Variants in DRC1 observed in about 807,000 individuals in gnomAD.
DRC1 encodes the protein dynein regulatory complex protein 1.
DRC1 carries 74 observed loss-of-function variants against 98.7 expected under a neutral mutation model. That is an observed-to-expected ratio of 0.75 (90% CI 0.62 to 0.91). The LOEUF (loss-of-function observed/expected upper bound fraction) is 0.91. DRC1 is among the 40% of genes least tolerant of loss of function. The pLI, the probability that DRC1 is intolerant of heterozygous loss-of-function variation, is 0.00. For missense variants in DRC1, 875 were observed against 886.0 expected, an observed-to-expected ratio of 0.99 and a Z score of 0.16; for synonymous variants, 336 against 334.1, an observed-to-expected ratio of 1.01 and a Z score of -0.06.
In DRC1 at chr2:26,418,681, TTTATA is replaced by T. The variant is rs1678928159; in HGVS notation, c.244-2600_244-2596del. On this transcript the variant is annotated intron_variant, in intron 2 of 16. Coordinates refer to ENST00000288710, the MANE Select transcript of DRC1 (RefSeq NM_145038.5). ...TATATATTATATAAATTAAATATAA[TTTATA>T]TTATATATAAATTATATTTAATTTA... Among the ~76,000 whole-genome samples the T allele has an allele frequency of 3.4e-5, 3 of 88,284 alleles. No homozygotes were observed. The South Asian group carries it at 9.4e-4, about 28-fold the overall frequency. 57.9% of individuals were successfully genotyped at this position (88,284 alleles called of 152,430 possible).
chr2:26,430,231 G>A (rs1663397143), intron 5 of DRC1, among the ~76,000 whole-genome samples: 1 of 152,186 alleles, frequency 6.6e-6, no homozygotes, highest in African/African-American at 2.4e-5. Context: ...GGGGAGTGCT[G>A]CATAGGATTC....
intron 10 of DRC1, among the ~76,000 whole-genome samples, chr2:26,446,684 A>G (rs1663860782): frequency 6.6e-6 from 1 of 152,186 alleles, no homozygotes; most frequent in Non-Finnish European, 1.5e-5. Flanking sequence ...TCAGAGGAAA[A>G]TATCAGCCCT....
intron 7 of DRC1, among the ~76,000 whole-genome samples, chr2:26,432,739 T>G (rs1445776134): frequency 6.6e-6 from 1 of 152,198 alleles, no homozygotes; most frequent in African/African-American, 2.4e-5. Context: ...GGACAGCTAC[T>G]GGTAATAATG....
chr2:26,421,528 T>G, intron 3 of DRC1, 128 bp downstream of exon 3: 2 of 415,534 alleles, frequency 4.8e-6, no homozygotes, highest in Non-Finnish European at 8.4e-6. Flanking sequence ...TTATAACTTC[T>G]CCCTCCCTCC....
chr2:26,436,922 G>A (rs933913655), intron 7 of DRC1, among the ~76,000 whole-genome samples: 1 of 152,134 alleles, frequency 6.6e-6, no homozygotes, highest in Admixed American at 6.5e-5. Flanking sequence ...CAAATGGAGA[G>A]CAGTTCCGAA....
chr2:26,434,655 G>A (rs1049739015), intron 7 of DRC1, among the ~76,000 whole-genome samples: 15 of 152,332 alleles, frequency 9.8e-5, no homozygotes, highest in African/African-American at 3.6e-4. Context: ...ACTTTGGGAG[G>A]CCGAGGCAGG....
At chr2:26,434,948 G>T (rs1275246839) in intron 7 of DRC1, among the ~76,000 whole-genome samples, 1 of 152,138 alleles carries the variant, frequency 6.6e-6, no homozygotes, top group Non-Finnish European at 1.5e-5. Context: ...AAGAGATGGG[G>T]CAGAAAGGGG....
intron 4 of DRC1, among the ~76,000 whole-genome samples, chr2:26,428,941 A>G (rs1187714652): frequency 6.6e-6 from 1 of 152,198 alleles, no homozygotes; most frequent in Non-Finnish European, 1.5e-5. Context: ...TAGTTAAGGA[A>G]TGCAACTTAG....
intron 5 of DRC1, 49 bp downstream of exon 5, chr2:26,429,814 G>A: frequency 1.9e-6 from 3 of 1,604,748 alleles, no homozygotes; most frequent in East Asian, 2.2e-5. Context: ...GGGCCCCTGG[G>A]AGGAGGTCTA....
At chr2:26,444,452 C>A in intron 9 of DRC1, 96 bp downstream of exon 9, 2 of 1,503,210 alleles carry the variant, frequency 1.3e-6, no homozygotes, top group Non-Finnish European at 1.8e-6. Context: ...CTTGATGTCA[C>A]CAGCTATTCT....
intron 1 of DRC1, among the ~76,000 whole-genome samples, chr2:26,405,746 C>T (rs925176649): frequency 6.5e-4 from 98 of 149,824 alleles, no homozygotes; most frequent in African/African-American, 2.4e-3. Flanking sequence ...CTGCAATCTC[C>T]ACCTCCCAGG....
Position 26,439,607 on chromosome 2 carries a change from G to A in DRC1, c.889-771G>A, listed in dbSNP as rs1002871950. The stretch of plus-strand genomic sequence containing the variant: ...AACACTTCTACCCTGGAAGGTCAAA[G>A]TGGGGGAAATTTCAAGTTTTTGTGG... On this transcript the variant is annotated intron_variant, in intron 7 of 16. Transcript: ENST00000288710. Among the ~76,000 whole-genome samples the A allele has an allele frequency of 2.0e-5, 3 of 152,178 alleles. No homozygotes were observed. In the East Asian group the frequency reaches 5.8e-4, roughly 29 times the overall value.
chr2:26,433,686 G>C (rs1259511228), intron 7 of DRC1, among the ~76,000 whole-genome samples: 1 of 152,178 alleles, frequency 6.6e-6, no homozygotes, highest in African/African-American at 2.4e-5. Flanking sequence ...TCTAGGACAT[G>C]GGGAGATCCT....
At chr2:26,437,958 G>A (rs1479222721) in intron 7 of DRC1, among the ~76,000 whole-genome samples, 2 of 151,630 alleles carry the variant, frequency 1.3e-5, no homozygotes, top group Admixed American at 6.6e-5. Context: ...GCGTGGCGGT[G>A]GCACACACCT....
At chr2:26,432,107 T>C (rs1218380929) in intron 7 of DRC1, 101 bp downstream of exon 7, 3 of 1,473,464 alleles carry the variant, frequency 2.0e-6, no homozygotes, top group East Asian at 2.5e-5. Flanking sequence ...ATTCTAGAGG[T>C]AGTCCCTTCA....
chr2:26,402,040 C>G lies in DRC1; in HGVS notation c.51C>G (p.His17Gln), dbSNP rs1678258345. The stretch of plus-strand genomic sequence containing the variant: ...CCCTGGACCCGAACGTGGACGAGCA[C>G]TTGTCCACCCAGATTCTCGCGCCCT... ...LEALDPNVDE[H>Q]LSTQILAPSV... Residue 17 changes from histidine to glutamine, a missense_variant, in exon 1 of 17, where the codon CAC becomes CAG. By Grantham distance (24) the His-to-Gln change is conservative (BLOSUM62 0). Coordinates refer to ENST00000288710, the MANE Select transcript of DRC1 (RefSeq NM_145038.5). 2 of 1,613,218 alleles carry G rather than the reference C, an allele frequency of 1.2e-6. No homozygotes were observed. The highest frequency in any genetic ancestry group is 4.5e-5 in the East Asian group (2 of 44,844).
intron 2 of DRC1, among the ~76,000 whole-genome samples, chr2:26,419,631 G>T (rs928043073): frequency 2.6e-5 from 4 of 152,182 alleles, no homozygotes; most frequent in African/African-American, 7.2e-5. Context: ...GAGATCAAGT[G>T]AAGTCTCTGG....
intron 4 of DRC1, among the ~76,000 whole-genome samples, chr2:26,427,407 C>T (rs753968026): frequency 7.9e-5 from 12 of 152,008 alleles, no homozygotes; most frequent in Non-Finnish European, 2.9e-5. Context: ...TGAGCCACCG[C>T]ACCTGAGCTT....
intron 3 of DRC1, 70 bp from the exon 4 acceptor site, chr2:26,424,201 A>T: frequency 6.4e-7 from 1 of 1,573,606 alleles, no homozygotes; most frequent in Non-Finnish European, 8.7e-7. Context: ...GATTCTAGAG[A>T]ACGTACCTGC....
Sources: allele counts gnomAD v4.1 joint callset (sites outside exome capture counted in the v4.1 genomes callset), GRCh38; gene constraint gnomAD v4.1.1; transcripts MANE v1.5; gene names NCBI Gene and HGNC (gene_info 2026-07-23, HGNC 2026-07-21).